Variants in PBX4 observed in about 807,000 individuals in gnomAD.
PBX4 encodes the protein pre-B-cell leukemia transcription factor 4.
A neutral mutation model predicts 35.1 loss-of-function variants in PBX4; 26 were observed. The observed-to-expected ratio is 0.74, with a 90% CI of 0.54 to 1.03. The LOEUF (loss-of-function observed/expected upper bound fraction) is 1.03. Among genes scored for constraint, PBX4 ranks in the 50% least tolerant of loss-of-function variants. The pLI is 0.00. For missense variants in PBX4, 448 were observed against 504.3 expected, an observed-to-expected ratio of 0.89 and a Z score of 1.07; for synonymous variants, 199 against 204.2, an observed-to-expected ratio of 0.97 and a Z score of 0.22.
chr19:19,562,040 G>A lies in PBX4; in HGVS notation c.1110C>T (p.Ser370=). 1 of 1,613,134 alleles carries A rather than the reference G, an allele frequency of 6.2e-7. No individual in the cohort carries two copies. Among genetic ancestry groups the A allele is most frequent in the Non-Finnish European group, 8.5e-7 (1 of 1,179,590 alleles). ...TCCCCCAAACTTAATTAGATGTACT[G>A]GAGTTGATGCTGCCAGGGTCTCCAG... ...SPAGDPGSIN[S]STSN Residue 370 remains serine, a synonymous_variant, in exon 8 of 8, where the codon TCC becomes TCT. Transcript: ENST00000251203. This position sits in a 1 kb window ranked among gnomAD's most constrained non-coding sequence, Gnocchi z 4.8.
At chr19:19,615,788 G>A (rs1222412778) in intron 1 of PBX4, among the ~76,000 whole-genome samples, 2 of 152,156 alleles carry the variant, frequency 1.3e-5, no homozygotes, top group Admixed American at 1.3e-4. Context: ...TACTCAGGAA[G>A]CTGAGGCAGG....
At chr19:19,574,937 G>A (rs570954310) in intron 2 of PBX4, among the ~76,000 whole-genome samples, 63 of 152,036 alleles carry the variant, frequency 4.1e-4, no homozygotes, top group African/African-American at 1.5e-3. Flanking sequence ...CTCCCACCTC[G>A]GCCTCCCAAA....
intron 5 of PBX4, among the ~76,000 whole-genome samples, chr19:19,566,363 G>C (rs2144701306): frequency 6.6e-6 from 1 of 152,320 alleles, no homozygotes; most frequent in South Asian, 2.1e-4. Context: ...AATGTCCCCT[G>C]GGCAGATTCA....
At chr19:19,583,233 C>T (rs1216447317) in intron 2 of PBX4, among the ~76,000 whole-genome samples, 2 of 152,066 alleles carry the variant, frequency 1.3e-5, no homozygotes, top group Non-Finnish European at 2.9e-5. Flanking sequence ...GGGCCGAGAT[C>T]GTGCCATTGC....
intron 2 of PBX4, chr19:19,588,476 A>G: frequency 1.4e-6 from 1 of 727,224 alleles, no homozygotes. Flanking sequence ...ACAGGGTTTC[A>G]CCATGTTGGC....
intron 2 of PBX4, among the ~76,000 whole-genome samples, chr19:19,571,268 C>A (rs2061381134): frequency 5.3e-5 from 8 of 152,100 alleles, no homozygotes; most frequent in Admixed American, 5.2e-4. Flanking sequence ...TGGCCTGGGC[C>A]CAGGACTGTG....
At chr19:19,616,707 G>A (rs2061690850) in intron 1 of PBX4, among the ~76,000 whole-genome samples, 1 of 150,290 alleles carries the variant, frequency 6.7e-6, no homozygotes, top group Non-Finnish European at 1.5e-5. Context: ...TTGTTCAGAC[G>A]GAATCTCGCT....
At chr19:19,570,031 T>C (rs2061370926) in intron 4 of PBX4, 78 bp downstream of exon 4, 4 of 1,466,458 alleles carry the variant, frequency 2.7e-6, no homozygotes, top group African/African-American at 1.4e-5. Context: ...CAGGGCTGTC[T>C]TCAACCCAAG....
At chr19:19,571,121 G>A (rs2061380287) in intron 2 of PBX4, among the ~76,000 whole-genome samples, 1 of 152,328 alleles carries the variant, frequency 6.6e-6, no homozygotes, top group Admixed American at 6.5e-5. Context: ...TGTGCACGCA[G>A]CAGGGCCAGG....
intron 2 of PBX4, among the ~76,000 whole-genome samples, chr19:19,575,563 T>C (rs1444550049): frequency 5.3e-5 from 8 of 152,148 alleles, no homozygotes; most frequent in Non-Finnish European, 2.9e-5. Context: ...CAATCAACTT[T>C]CCACTTATCC....
rs1262341400 is a variant in PBX4 at position 19,568,276 on chromosome 19, G to A, written c.768+1173C>T. Among the ~76,000 whole-genome samples the A allele has an allele frequency of 2.3e-3, 324 of 139,926 alleles. 3 individuals carry two copies. Among genetic ancestry groups the A allele is most frequent in the Admixed American group, 0.019 (250 of 13,322 alleles). The allele number at this position is 139,926 out of a possible 152,430, so 91.8% of individuals were successfully genotyped here. ...ACACTCCATCTGTAACCCTCAGGGA[G>A]CTCACACTCCATCTGTATCCCTCAG... is the stretch of plus-strand genomic sequence containing the variant. On this transcript the variant is annotated intron_variant, in intron 5 of 7. Coordinates refer to ENST00000251203, the MANE Select transcript of PBX4 (RefSeq NM_025245.3).
intron 2 of PBX4, among the ~76,000 whole-genome samples, chr19:19,580,807 G>A (rs955712970): frequency 2.0e-5 from 3 of 152,178 alleles, no homozygotes; most frequent in Non-Finnish European, 4.4e-5. Flanking sequence ...GCAGTGGCAC[G>A]CTGCAGCCTT....
intron 2 of PBX4, among the ~76,000 whole-genome samples, chr19:19,577,303 T>C (rs966481144): frequency 9.8e-5 from 15 of 152,320 alleles, no homozygotes; most frequent in African/African-American, 3.4e-4. Context: ...AGTTTTGAGA[T>C]ACTGGTTAAC....
In PBX4 at chr19:19,570,874, G is replaced by A. The variant is rs749004710; in HGVS notation, c.194-41C>T. 2.8e-5 allele frequency: 45 copies of A among 1,600,410 alleles called. No individual in the cohort carries two copies. The African/African-American group carries it at 4.6e-4, about 16-fold the overall frequency. Reference sequence around the variant, plus strand: ...CGGGACAAGTCACAATTCATTTTCTGGAGAGAAAACAAACCATGAGAAAAT... The same window carrying A: ...CGGGACAAGTCACAATTCATTTTCTAGAGAGAAAACAAACCATGAGAAAAT... On this transcript the variant is annotated intron_variant, in intron 2 of 7. Coordinates refer to ENST00000251203, the MANE Select transcript of PBX4 (RefSeq NM_025245.3).
chr19:19,617,879 C>T (rs1057029823), intron 1 of PBX4, among the ~76,000 whole-genome samples: 2 of 152,122 alleles, frequency 1.3e-5, no homozygotes, highest in Non-Finnish European at 2.9e-5. Context: ...AACTTCCCAC[C>T]CACAGGCCGG....
In PBX4 at chr19:19,562,626, C is replaced by T. The variant is rs527627692; in HGVS notation, c.1033-509G>A. Among the ~76,000 whole-genome samples the T allele has an allele frequency of 2.0e-3, 307 of 152,280 alleles. 1 individual carries two copies. The highest frequency in any genetic ancestry group is 7.0e-3 in the African/African-American group (289 of 41,562). The stretch of plus-strand genomic sequence containing the variant: ...GGCATCACGTCCAACGGCGCTAAGA[C>T]GTTTGTCCACAGGACCCACCCCCAC... On this transcript the variant is annotated intron_variant, in intron 7 of 7. Transcript: ENST00000251203. This position sits in a 1 kb window ranked among gnomAD's most constrained non-coding sequence, Gnocchi z 4.8.
At chr19:19,584,780 C>T (rs1415134973) in intron 2 of PBX4, among the ~76,000 whole-genome samples, 1 of 151,970 alleles carries the variant, frequency 6.6e-6, no homozygotes, top group African/African-American at 2.4e-5. Flanking sequence ...CATGCACCAC[C>T]ATGCCTGGCT....
chr19:19,562,253 G>A lies in PBX4; in HGVS notation c.1033-136C>T, dbSNP rs1286105363. Reference sequence around the variant, plus strand: ...ATCCACAGATGACCTCCAGCTCAGTGGAGGAGGGAAGGGATGGAGGGGTCG... The same window carrying A: ...ATCCACAGATGACCTCCAGCTCAGTAGAGGAGGGAAGGGATGGAGGGGTCG... On this transcript the variant is annotated intron_variant, in intron 7 of 7. Coordinates refer to ENST00000251203, the MANE Select transcript of PBX4 (RefSeq NM_025245.3). The surrounding 1 kb of genome is among the most constrained non-coding windows in gnomAD (Gnocchi z 4.8). The A allele has an allele frequency of 6.5e-6, 4 of 620,138 alleles. No homozygotes were observed. The highest frequency in any genetic ancestry group is 3.2e-5 in the Admixed American group (1 of 31,304). The allele number at this position is 620,138 out of a possible 1,614,324, so 38.4% of individuals were successfully genotyped here.
At chr19:19,613,373 CA>C (rs940411883) in intron 1 of PBX4, among the ~76,000 whole-genome samples, 2 of 145,800 alleles carry the variant, frequency 1.4e-5, no homozygotes, top group Non-Finnish European at 3.0e-5. Flanking sequence ...GAGGCTGAGG[CA>C]GGAGAATCTC....
Sources: gnomAD v4.1 joint callset for allele counts (sites outside exome capture counted in the v4.1 genomes callset) on GRCh38, gnomAD v4.1.1 for gene constraint, Gnocchi (gnomAD v3.1) non-coding constraint, MANE v1.5 for transcripts, NCBI Gene and HGNC (gene_info 2026-07-23, HGNC 2026-07-21) for gene names.